Variants in OCRL observed in about 807,000 individuals in gnomAD.
OCRL encodes OCRL inositol polyphosphate-5-phosphatase.
OCRL carries 8 observed loss-of-function variants against 78.9 expected under a neutral mutation model. The ratio of observed to expected loss-of-function variants is 0.10; its 90% CI spans 0.06 to 0.18. The LOEUF is 0.18. Ranked by LOEUF, OCRL falls within the 10% of genes least tolerant of loss-of-function variation. The pLI is 1.00. For missense variants in OCRL, 454 were observed against 696.7 expected (o/e 0.65, Z 3.92); for synonymous variants, 240 against 235.4 (o/e 1.02, Z -0.18).
chrX:129,570,066 T>G (rs1377162393), intron 15 of OCRL, among the ~76,000 whole-genome samples: 1 of 111,284 alleles, frequency 9.0e-6, no homozygotes, highest in Non-Finnish European at 1.9e-5. Flanking sequence ...TATTTAATTT[T>G]CTGTCTGTAT....
intron 16 of OCRL, 87 bp downstream of exon 16, chrX:129,575,337 C>T (rs1266813443): frequency 5.0e-6 from 3 of 598,183 alleles, no homozygotes; most frequent in African/African-American, 2.2e-5. Context: ...TACATAGCAA[C>T]GTGGTTAAGC....
rs1481714492 is a variant in OCRL, at chrX:129,569,248, G to A, written c.1467-16G>A. ...GTGTGATATGTTCTCTTTATAACTCGTTTCTTTACTTACAGTGGGAAATGC... is the reference window on the plus strand; with the variant it reads ...GTGTGATATGTTCTCTTTATAACTCATTTCTTTACTTACAGTGGGAAATGC... On this transcript the variant is annotated splice_polypyrimidine_tract_variant and intron_variant, in intron 14 of 23. Coordinates refer to ENST00000371113, the MANE Select transcript of OCRL (RefSeq NM_000276.4). 10 of 1,208,109 alleles carry A rather than the reference G, an allele frequency of 8.3e-6. No homozygotes were observed. The Admixed American group carries it at 1.1e-4, about 13-fold the overall frequency.
At chrX:129,566,978 G>A (rs1936225312) in intron 13 of OCRL, among the ~76,000 whole-genome samples, 1 of 112,032 alleles carries the variant, frequency 8.9e-6, no homozygotes, top group Non-Finnish European at 1.9e-5. Context: ...CAATTATTCA[G>A]ATTTCATTTT....
intron 3 of OCRL, among the ~76,000 whole-genome samples, chrX:129,548,329 G>T (rs902517498): frequency 4.5e-5 from 5 of 111,814 alleles, no homozygotes; most frequent in Non-Finnish European, 9.4e-5. Flanking sequence ...AGTTCCATTT[G>T]GTTACTTCTT....
intron 13 of OCRL, 108 bp from the exon 14 acceptor site, chrX:129,567,146 G>C (rs1351438257): frequency 2.2e-5 from 12 of 554,357 alleles, no homozygotes; most frequent in Non-Finnish European, 3.5e-5. Flanking sequence ...AGTTGTAAAG[G>C]TTGTGGAACT....
At chrX:129,552,043 G>A (rs1935967417) in intron 4 of OCRL, among the ~76,000 whole-genome samples, 1 of 111,771 alleles carries the variant, frequency 8.9e-6, no homozygotes, top group South Asian at 3.7e-4. Context: ...GATCTGGCAG[G>A]ATCTTGTAAG....
rs764360340 is a variant in OCRL at position 129,548,568 on chromosome X, G to A, written c.205G>A (p.Glu69Lys). The change falls in exon 4 of 24, where the codon GAA becomes AAA. Residue 69 changes from glutamate to lysine, a missense_variant. Physicochemically the swap from Glu to Lys is moderately conservative, Grantham distance 56 (BLOSUM62 1). Coordinates refer to ENST00000371113, the MANE Select transcript of OCRL (RefSeq NM_000276.4). ...NSHFRCVQEA[E>K]ETLLIDIASN... is the part of the protein sequence containing the mutation. ...TCTTTTTTTTCCCCTCTCAGAAGCA[G>A]AAGAAACTCTTTTGATTGACATAGC... The A allele has an allele frequency of 1.7e-6, 2 of 1,203,523 alleles. No homozygotes were observed. Among genetic ancestry groups the A allele is most frequent in the Non-Finnish European group, 2.3e-6 (2 of 888,307 alleles).
At chrX:129,546,483 C>T (rs1935880292) in intron 3 of OCRL, among the ~76,000 whole-genome samples, 1 of 112,370 alleles carries the variant, frequency 8.9e-6, no homozygotes, top group African/African-American at 3.2e-5. Flanking sequence ...GTGGATATGA[C>T]TTTTTAAGAA....
chrX:129,567,182 C>A, intron 13 of OCRL, 72 bp from the exon 14 acceptor site: 1 of 710,451 alleles, frequency 1.4e-6, no homozygotes, highest in Non-Finnish European at 2.2e-6. Context: ...GGAACAGTGG[C>A]TTATCAACCT....
intron 13 of OCRL, among the ~76,000 whole-genome samples, chrX:129,566,293 A>C (rs1273579240): frequency 9.0e-6 from 1 of 111,641 alleles, no homozygotes; most frequent in African/African-American, 3.3e-5. Context: ...AACAGCTTGG[A>C]GGTAAAAGAG....
intron 23 of OCRL, 32 bp downstream of exon 23, chrX:129,589,988 G>A: frequency 8.7e-7 from 1 of 1,145,136 alleles, no homozygotes; most frequent in Non-Finnish European, 1.2e-6. Flanking sequence ...CGGGGCGTTT[G>A]TTGAGAATAC....
At chrX:129,544,438 C>G (rs1452636717) in intron 2 of OCRL, among the ~76,000 whole-genome samples, 1 of 111,714 alleles carries the variant, frequency 9.0e-6, no homozygotes, top group Non-Finnish European at 1.9e-5. Context: ...CCCCCTCTTA[C>G]TCCTCCATGA....
In OCRL at chrX:129,557,941, G is replaced by T. The variant is rs1283513096; in HGVS notation, c.430G>T (p.Val144Phe). 8.5e-7 allele frequency: 1 copy of T among 1,170,135 alleles called. No homozygotes were observed. Among genetic ancestry groups the T allele is most frequent in the East Asian group, 3.0e-5 (1 of 33,686 alleles). Reference protein sequence around the residue: ...QKLDTKDKPSVFSGLLGFEDN... With the variant: ...QKLDTKDKPSFFSGLLGFEDN... The stretch of plus-strand genomic sequence containing the variant: ...ATTAGACACTAAGGACAAACCTTCT[G>T]TTTTTTCAGGTACTAAAAAGTTCCT... Residue 144 changes from valine (V) to phenylalanine (F), a missense_variant, in exon 6 of 24, where the codon GTT (valine) becomes TTT (phenylalanine). By Grantham distance (50) the Val-to-Phe change is conservative (BLOSUM62 -1). Coordinates refer to ENST00000371113, the MANE Select transcript of OCRL (RefSeq NM_000276.4).
intron 2 of OCRL, among the ~76,000 whole-genome samples, chrX:129,541,112 G>T (rs1245368705): frequency 8.9e-6 from 1 of 112,242 alleles, no homozygotes; most frequent in Non-Finnish European, 1.9e-5. Context: ...GTAACGTTGG[G>T]CAAGTCAATA....
chrX:129,575,162 G>A lies in OCRL; in HGVS notation c.1625G>A (p.Arg542Lys), dbSNP rs748380557. 7.5e-6 allele frequency: 9 copies of A among 1,206,360 alleles called. No homozygotes were observed. The South Asian group carries it at 1.6e-4, about 21-fold the overall frequency. The stretch of plus-strand genomic sequence containing the variant: ...CAGGTGAAGGTTGTGGATGAACGAA[G>A]GTACCGGAAAGTCTTTGAAGATAGT... ...HIGVKVVDER[R>K]YRKVFEDSVR... Residue 542 changes from arginine (R) to lysine (K), a missense_variant, in exon 16 of 24, where the codon AGG becomes AAG. Arg to Lys is a conservative substitution (Grantham distance 26). This residue lies in a region of OCRL where 277 missense variants were observed against 517.1 expected (regional missense o/e 0.54). Coordinates refer to ENST00000371113, the MANE Select transcript of OCRL (RefSeq NM_000276.4).
At chrX:129,569,828 C>A (rs1936273147) in intron 15 of OCRL, among the ~76,000 whole-genome samples, 1 of 106,680 alleles carries the variant, frequency 9.4e-6, no homozygotes, top group Admixed American at 1.0e-4. Flanking sequence ...GTCATCCCTA[C>A]ACTTATTTTT....
chrX:129,566,030 C>G, intron 13 of OCRL, 147 bp downstream of exon 13: 1 of 459,285 alleles, frequency 2.2e-6, no homozygotes, highest in Non-Finnish European at 3.8e-6. Flanking sequence ...TGACTACATA[C>G]AAGATTTGTA....
chrX:129,561,362 C>A, intron 10 of OCRL, 69 bp downstream of exon 10: 1 of 654,486 alleles, frequency 1.5e-6, no homozygotes, highest in Non-Finnish European at 2.6e-6. Context: ...ATTCCATTAT[C>A]TACAACTTGT....
chrX:129,589,384 A>T (rs1936558584), intron 22 of OCRL: 1 of 280,898 alleles, frequency 3.6e-6, no homozygotes, highest in Admixed American at 5.4e-5. Context: ...TTTAATCCTG[A>T]AATGATTTTA....
Sources: gnomAD v4.1 joint callset for allele counts (sites outside exome capture counted in the v4.1 genomes callset) on GRCh38, gnomAD v4.1.1 for gene constraint, gnomAD v4.1.1 regional missense constraint, MANE v1.5 for transcripts, NCBI Gene and HGNC (gene_info 2026-07-23, HGNC 2026-07-21) for gene names.